The following BANK1 variants were observed in gnomAD, a reference collection of about 807,000 sequenced individuals.
The protein encoded by BANK1 is B-cell scaffold protein with ankyrin repeats.
In BANK1, 95 loss-of-function variants were observed where a neutral mutation model predicts 94.5. That is an observed-to-expected ratio of 1.00 (90% CI 0.85 to 1.19). The LOEUF is 1.19. BANK1 is among the 50% of genes most tolerant of loss of function. The pLI is 0.00. For synonymous variants in BANK1, 334 were observed against 308.4 expected, an observed-to-expected ratio of 1.08 and a Z score of -0.87; for missense variants, 987 against 932.2, an observed-to-expected ratio of 1.06 and a Z score of -0.77.
At chr4:101,887,097 C>T (rs75443008) in intron 5 of BANK1, among the ~76,000 whole-genome samples, 20 of 152,290 alleles carry the variant, frequency 1.3e-4, no homozygotes, top group Non-Finnish European at 1.9e-4. Context: ...GAGTCATGCT[C>T]TCTCCCTCAC....
chr4:102,007,981 C>A (rs1726361280), intron 7 of BANK1, among the ~76,000 whole-genome samples: 2 of 152,230 alleles, frequency 1.3e-5, no homozygotes, highest in East Asian at 3.9e-4. Context: ...CTTTCATTTT[C>A]ATTTATAGAG....
chr4:102,011,512 C>T (rs1326111861), intron 7 of BANK1, among the ~76,000 whole-genome samples: 2 of 152,128 alleles, frequency 1.3e-5, no homozygotes, highest in Non-Finnish European at 2.9e-5. Flanking sequence ...ACACCCTTCG[C>T]GCCTTGGGTA....
chr4:101,868,760 G>T (rs935306781), intron 4 of BANK1, among the ~76,000 whole-genome samples: 4 of 151,850 alleles, frequency 2.6e-5, no homozygotes, highest in Non-Finnish European at 5.9e-5. Flanking sequence ...ACAGAGTACT[G>T]CTCATGTGAA....
At chr4:101,917,705 C>G (rs1040355852) in intron 6 of BANK1, among the ~76,000 whole-genome samples, 2 of 151,482 alleles carry the variant, frequency 1.3e-5, no homozygotes, top group South Asian at 2.1e-4. Context: ...GCATGTTTTT[C>G]TTTCTTTTTT....
At chr4:101,952,327 T>C (rs962021062) in intron 7 of BANK1, among the ~76,000 whole-genome samples, 3 of 152,152 alleles carry the variant, frequency 2.0e-5, no homozygotes, top group African/African-American at 7.2e-5. Flanking sequence ...TGAGAACTTA[T>C]TGTAAATCAA....
intron 7 of BANK1, among the ~76,000 whole-genome samples, chr4:101,985,684 A>G (rs1441502141): frequency 6.6e-6 from 1 of 152,134 alleles, no homozygotes; most frequent in Non-Finnish European, 1.5e-5. Flanking sequence ...ATGTTCAATC[A>G]TGTTTCCATT....
intron 13 of BANK1, among the ~76,000 whole-genome samples, chr4:102,069,804 TAAC>T (rs1238924817): frequency 6.6e-6 from 1 of 152,182 alleles, no homozygotes; most frequent in Non-Finnish European, 1.5e-5. Context: ...CTTACTATTA[TAAC>T]AACAATATAA....
intron 2 of BANK1, among the ~76,000 whole-genome samples, chr4:101,846,245 A>G (rs978336466): frequency 6.6e-6 from 1 of 152,248 alleles, no homozygotes; most frequent in Non-Finnish European, 1.5e-5. Flanking sequence ...CTATGCAGCC[A>G]TACAAAATGA....
At chr4:101,916,286 A>G (rs1174132261) in intron 6 of BANK1, among the ~76,000 whole-genome samples, 3 of 151,994 alleles carry the variant, frequency 2.0e-5, no homozygotes, top group African/African-American at 7.2e-5. Flanking sequence ...CTGATTTTTA[A>G]TCTTCTCTTT....
At chr4:101,826,740 G>C (rs1373324848) in intron 1 of BANK1, among the ~76,000 whole-genome samples, 2 of 151,790 alleles carry the variant, frequency 1.3e-5, no homozygotes, top group Non-Finnish European at 2.9e-5. Flanking sequence ...ATTCCCATAT[G>C]TTTTCTGCCA....
At chr4:101,957,023 C>T (rs531782770) in intron 7 of BANK1, among the ~76,000 whole-genome samples, 10 of 152,280 alleles carry the variant, frequency 6.6e-5, no homozygotes, top group South Asian at 2.1e-4. Context: ...TAAGTTCCTA[C>T]GACCATTTTT....
chr4:101,928,389 G>A (rs953663318), intron 7 of BANK1, among the ~76,000 whole-genome samples: 6 of 151,554 alleles, frequency 4.0e-5, no homozygotes, highest in Non-Finnish European at 7.4e-5. Flanking sequence ...TGAGTGTCTT[G>A]TGGAGAAAGT....
chr4:101,869,197 T>C (rs1728188636), intron 4 of BANK1, among the ~76,000 whole-genome samples: 1 of 151,910 alleles, frequency 6.6e-6, no homozygotes, highest in African/African-American at 2.4e-5. Context: ...ATAAACAAAA[T>C]TAATATCTTA....
intron 7 of BANK1, among the ~76,000 whole-genome samples, chr4:101,990,434 C>T (rs1725661081): frequency 6.6e-6 from 1 of 152,120 alleles, no homozygotes; most frequent in Non-Finnish European, 1.5e-5. Flanking sequence ...TCCAAGATAC[C>T]TTCCTTAATT....
intron 1 of BANK1, among the ~76,000 whole-genome samples, chr4:101,801,769 A>G (rs1278924947): frequency 1.3e-5 from 2 of 152,250 alleles, no homozygotes; most frequent in Non-Finnish European, 2.9e-5. Context: ...AGACCACATT[A>G]CATATTTAAA....
At chr4:101,916,112 C>A (rs182906858) in intron 6 of BANK1, among the ~76,000 whole-genome samples, 1 of 152,112 alleles carries the variant, frequency 6.6e-6, no homozygotes, top group African/African-American at 2.4e-5. Context: ...AGTTTCTTGG[C>A]TTAAAGCATT....
chr4:102,047,975 T>C (rs1727938449), intron 11 of BANK1, among the ~76,000 whole-genome samples: 1 of 152,206 alleles, frequency 6.6e-6, no homozygotes, highest in South Asian at 2.1e-4. Flanking sequence ...AATATTGTAT[T>C]GATTACTATC....
chr4:102,022,161 G>A (rs541582180), intron 8 of BANK1, among the ~76,000 whole-genome samples: 1 of 151,840 alleles, frequency 6.6e-6, no homozygotes, highest in Non-Finnish European at 1.5e-5. Flanking sequence ...ATTATGCCAG[G>A]CTTTATTGGC....
At chr4:101,952,755 G>C (rs1382632563) in intron 7 of BANK1, among the ~76,000 whole-genome samples, 1 of 152,092 alleles carries the variant, frequency 6.6e-6, no homozygotes, top group East Asian at 1.9e-4. Flanking sequence ...AGAGGCATGA[G>C]AGCTGTTAAT....
Sources: allele counts gnomAD v4.1 joint callset (sites outside exome capture counted in the v4.1 genomes callset), GRCh38; gene constraint gnomAD v4.1.1; transcripts MANE v1.5; gene names NCBI Gene and HGNC (gene_info 2026-07-23, HGNC 2026-07-21).